GRM5: variants seen among roughly 807,000 people sequenced by gnomAD.
The protein encoded by GRM5 is glutamate metabotropic receptor 5, also known as metabotropic glutamate receptor 5.
GRM5 carries 19 observed loss-of-function variants against 83.1 expected under a neutral mutation model. The ratio of observed to expected loss-of-function variants is 0.23; its 90% CI spans 0.16 to 0.34. The LOEUF is 0.34. GRM5 is among the 10% of genes least tolerant of loss of function. The pLI, the probability that GRM5 is intolerant of heterozygous loss-of-function variation, is 1.00. For synonymous variants in GRM5, 675 were observed against 633.6 expected (o/e 1.07, Z -0.98); for missense variants, 1,160 against 1,588.3 (o/e 0.73, Z 4.58).
At chr11:88,753,301 A>G (rs1488352946) in intron 3 of GRM5, among the ~76,000 whole-genome samples, 2 of 152,312 alleles carry the variant, frequency 1.3e-5, no homozygotes, top group East Asian at 3.9e-4. Context: ...ACATGAACAG[A>G]CATTTCTCAA....
chr11:88,825,095 G>T (rs529255933), intron 3 of GRM5, among the ~76,000 whole-genome samples: 2 of 152,098 alleles, frequency 1.3e-5, no homozygotes, highest in Admixed American at 6.6e-5. Context: ...TTGGTCTGCC[G>T]TGTTTTCTTT....
chr11:88,919,063 T>A (rs544664025), intron 2 of GRM5, among the ~76,000 whole-genome samples: 3 of 149,074 alleles, frequency 2.0e-5, no homozygotes, highest in African/African-American at 7.3e-5. Flanking sequence ...TAACATTAAA[T>A]ATAATAGGCT....
At chr11:88,617,121 CA>C in intron 4 of GRM5, among the ~76,000 whole-genome samples, 1 of 152,238 alleles carries the variant, frequency 6.6e-6, no homozygotes, top group South Asian at 2.1e-4. Context: ...CTTGTTTAAA[CA>C]AAACTAAACA....
At chr11:88,838,998 T>C (rs1944144036) in intron 3 of GRM5, among the ~76,000 whole-genome samples, 1 of 152,118 alleles carries the variant, frequency 6.6e-6, no homozygotes, top group South Asian at 2.1e-4. Flanking sequence ...AAGCTATATC[T>C]GCCCCAACAC....
intron 2 of GRM5, among the ~76,000 whole-genome samples, chr11:89,024,090 T>A (rs1028157618): frequency 1.3e-5 from 2 of 151,622 alleles, no homozygotes; most frequent in Non-Finnish European, 2.9e-5. Flanking sequence ...GTGGTCCACA[T>A]CTATAATCCC....
In GRM5 at chr11:89,009,930, A is replaced by AAAC. The variant is rs1316250515; in HGVS notation, c.661+37281_661+37282insGTT. 1.9e-3 allele frequency among the ~76,000 whole-genome samples: 195 copies of AAAC among 100,120 alleles called. 5 individuals carry two copies. The highest frequency in any genetic ancestry group is 5.8e-3 in the African/African-American group (188 of 32,498). 65.7% of individuals were successfully genotyped at this position (100,120 alleles called of 152,430 possible). A position where few individuals can be genotyped will look rare whatever the true frequency, so the allele number is the denominator to read the frequency against. ...AAAAAAAAAAAAAAAAAAAAAAAAA[A>AAAC]CACACACAAAATCAAAATGTTTACA... On this transcript the variant is annotated intron_variant, in intron 2 of 9. Coordinates refer to ENST00000305447, the MANE Select transcript of GRM5 (RefSeq NM_001143831.3).
chr11:88,624,427 G>T (rs375812827), intron 4 of GRM5, among the ~76,000 whole-genome samples: 1 of 152,204 alleles, frequency 6.6e-6, no homozygotes, highest in South Asian at 2.1e-4. Context: ...GAAAACCCGG[G>T]GCCATGCCTT....
intron 3 of GRM5, among the ~76,000 whole-genome samples, chr11:88,694,259 T>C (rs978296311): frequency 6.6e-6 from 1 of 152,218 alleles, no homozygotes; most frequent in African/African-American, 2.4e-5. Flanking sequence ...GAGATCAAAT[T>C]CCTGTGTATT....
At chr11:88,776,716 A>G (rs1223510426) in intron 3 of GRM5, among the ~76,000 whole-genome samples, 2 of 152,174 alleles carry the variant, frequency 1.3e-5, no homozygotes, top group Non-Finnish European at 2.9e-5. Context: ...TTGGCTGGAT[A>G]TTAAATTCCG....
intron 8 of GRM5, among the ~76,000 whole-genome samples, chr11:88,534,519 C>T (rs1942090796): frequency 2.0e-5 from 3 of 152,198 alleles, no homozygotes; most frequent in Admixed American, 2.0e-4. Context: ...TCTGGAATGG[C>T]TGTATTTACC....
chr11:88,659,250 G>T (rs543244275), intron 3 of GRM5, among the ~76,000 whole-genome samples: 2 of 152,204 alleles, frequency 1.3e-5, no homozygotes, highest in South Asian at 2.1e-4. Flanking sequence ...AAAAGAACAG[G>T]TTTTTTGTGA....
rs115738859 is a variant in GRM5, at chr11:88,760,684, G to A, written c.911+89222C>T. Among the ~76,000 whole-genome samples the A allele has an allele frequency of 2.0e-3, 298 of 151,934 alleles. 1 individual carries two copies. The highest frequency in any genetic ancestry group is 6.9e-3 in the African/African-American group (288 of 41,446). On this transcript the variant is annotated intron_variant, in intron 3 of 9. Coordinates refer to ENST00000305447, the MANE Select transcript of GRM5 (RefSeq NM_001143831.3). ...GAAACTATTTCAAAAAATTGAGGAG[G>A]GAATCCTGCCTAACTCATTCTACAA...
intron 3 of GRM5, among the ~76,000 whole-genome samples, chr11:88,777,916 A>G (rs1942891173): frequency 6.6e-6 from 1 of 152,008 alleles, no homozygotes; most frequent in Admixed American, 6.6e-5. Flanking sequence ...GGGGTCAGGG[A>G]CCCACTTAAG....
chr11:88,996,656 A>G (rs188497223), intron 2 of GRM5, among the ~76,000 whole-genome samples: 4 of 152,366 alleles, frequency 2.6e-5, no homozygotes, highest in Non-Finnish European at 5.9e-5. Context: ...AAACATATCT[A>G]GTAAAACATC....
chr11:88,885,446 C>A, intron 2 of GRM5, among the ~76,000 whole-genome samples: 1 of 106,626 alleles, frequency 9.4e-6, no homozygotes, highest in African/African-American at 4.5e-5. Flanking sequence ...ATAGTAGGTA[C>A]CATGTTTTTT....
intron 3 of GRM5, among the ~76,000 whole-genome samples, chr11:88,719,995 G>C (rs777308810): frequency 6.6e-6 from 1 of 151,896 alleles, no homozygotes; most frequent in Non-Finnish European, 1.5e-5. Context: ...TTGCAAAAAT[G>C]TTCTCCCATT....
intron 1 of GRM5, among the ~76,000 whole-genome samples, chr11:89,051,418 A>T (rs1326338618): frequency 6.6e-6 from 1 of 152,102 alleles, no homozygotes; most frequent in African/African-American, 2.4e-5. Context: ...TATAAAAAAA[A>T]TTTAATGTTG....
At chr11:88,983,334 TA>T (rs1244658664) in intron 2 of GRM5, among the ~76,000 whole-genome samples, 2 of 152,206 alleles carry the variant, frequency 1.3e-5, no homozygotes, top group African/African-American at 4.8e-5. Context: ...AATTGGCACC[TA>T]AAGAGTTCAT....
intron 1 of GRM5, among the ~76,000 whole-genome samples, chr11:89,049,070 C>G (rs1355839756): frequency 6.6e-6 from 1 of 152,134 alleles, no homozygotes; most frequent in Non-Finnish European, 1.5e-5. Context: ...ACAGAAAATT[C>G]TCTGGCAACC....
Sources: allele counts gnomAD v4.1 joint callset (sites outside exome capture counted in the v4.1 genomes callset), GRCh38; gene constraint gnomAD v4.1.1; transcripts MANE v1.5; gene names NCBI Gene and HGNC (gene_info 2026-07-23, HGNC 2026-07-21).